SHOC1: variants seen among roughly 807,000 people sequenced by gnomAD.
SHOC1 encodes shortage in chiasmata 1, also known as protein shortage in chiasmata 1 ortholog.
In SHOC1, 136 loss-of-function variants were observed where a neutral mutation model predicts 179.2. The ratio of observed to expected loss-of-function variants is 0.76; its 90% CI spans 0.66 to 0.87. The LOEUF (loss-of-function observed/expected upper bound fraction) is 0.87, where lower values mean the gene tolerates loss of function less well. SHOC1 is among the 40% of genes least tolerant of loss of function. The probability of loss-of-function intolerance (pLI) is 0.00; values close to 1 mark genes in which losing one functional copy is unlikely to be tolerated. For synonymous variants in SHOC1, 489 were observed against 586.6 expected, an observed-to-expected ratio of 0.83 and a Z score of 2.41; for missense variants, 1,538 against 1,700.8, an observed-to-expected ratio of 0.90 and a Z score of 1.68.
intron 5 of SHOC1, among the ~76,000 whole-genome samples, chr9:111,767,485 G>T (rs1193165493): frequency 6.6e-6 from 1 of 152,132 alleles, no homozygotes; most frequent in African/African-American, 2.4e-5. Flanking sequence ...TGTCAAAGAT[G>T]AGTTAGCTGT....
chr9:111,691,492 G>T (rs1589368577), intron 27 of SHOC1, 59 bp downstream of exon 27: 1 of 1,461,622 alleles, frequency 6.8e-7, no homozygotes. Context: ...ATTTGGAGAT[G>T]ATTTTATCTT....
chr9:111,735,183 G>T (rs1048801914), intron 12 of SHOC1, among the ~76,000 whole-genome samples: 2 of 151,878 alleles, frequency 1.3e-5, no homozygotes, highest in East Asian at 3.9e-4. Context: ...TGGTGTGTAT[G>T]TACCACATTT....
chr9:111,771,898 T>C (rs894028550), intron 5 of SHOC1, among the ~76,000 whole-genome samples: 1 of 152,164 alleles, frequency 6.6e-6, no homozygotes, highest in African/African-American at 2.4e-5. Context: ...GGTAGTCTTA[T>C]TTGGGTTGAA....
chr9:111,700,074 C>T (rs768144601), intron 23 of SHOC1, 27 bp from the exon 24 acceptor site: 3 of 1,129,364 alleles, frequency 2.7e-6, no homozygotes, highest in Non-Finnish European at 3.9e-6. Context: ...TACTATATTT[C>T]TATTCATTTG....
At chr9:111,758,010 G>A in intron 7 of SHOC1, 74 bp downstream of exon 7, 1 of 694,700 alleles carries the variant, frequency 1.4e-6, no homozygotes, top group Non-Finnish European at 2.4e-6. Flanking sequence ...TGTAGACAAT[G>A]TATATTACAC....
chr9:111,748,503 A>G (rs916902676), intron 8 of SHOC1, among the ~76,000 whole-genome samples: 1 of 152,186 alleles, frequency 6.6e-6, no homozygotes, highest in African/African-American at 2.4e-5. Context: ...ATAAGCCACA[A>G]ACTTCAAAGA....
At chr9:111,722,958 C>T (rs537456281) in intron 14 of SHOC1, among the ~76,000 whole-genome samples, 10 of 152,240 alleles carry the variant, frequency 6.6e-5, no homozygotes, top group South Asian at 2.1e-4. Flanking sequence ...TGCACCACCA[C>T]GCCCAGCTAA....
chr9:111,769,113 C>T (rs1480634005), intron 5 of SHOC1, among the ~76,000 whole-genome samples: 1 of 152,164 alleles, frequency 6.6e-6, no homozygotes, highest in Non-Finnish European at 1.5e-5. Flanking sequence ...CCCACTTTAT[C>T]ATGGTGAATG....
intron 18 of SHOC1, among the ~76,000 whole-genome samples, chr9:111,708,313 C>G (rs527605954): frequency 2.8e-4 from 43 of 152,052 alleles, no homozygotes; most frequent in African/African-American, 9.9e-4. Context: ...AAGAATTCTC[C>G]TGCCTCAGCC....
chr9:111,774,362 G>A (rs1477551537), intron 5 of SHOC1, among the ~76,000 whole-genome samples: 6 of 152,248 alleles, frequency 3.9e-5, no homozygotes, highest in East Asian at 1.9e-4. Context: ...GCAGTGGCAC[G>A]ATCATGGCTT....
At chr9:111,741,672 C>T (rs1329807599) in intron 10 of SHOC1, 102 bp from the exon 11 acceptor site, 7 of 547,588 alleles carry the variant, frequency 1.3e-5, no homozygotes, top group South Asian at 6.7e-5. Context: ...CTCGCTCTGT[C>T]GCCCAGGCTG....
chr9:111,781,179 C>G (rs575449903), intron 3 of SHOC1, 162 bp from the exon 4 acceptor site: 1 of 598,700 alleles, frequency 1.7e-6, no homozygotes, highest in Non-Finnish European at 3.0e-6. Context: ...TAGTCATCCT[C>G]ATTATCATCA....
At position 111,693,880 on chromosome 9, in the gene SHOC1, T is replaced by C. The variant is rs751117749; in HGVS notation, c.3384A>G (p.Gly1128=). ...PLVAQLMLNK[G]PSLHWILLAT... is the part of the protein sequence containing the mutation. ...CTAATAATATCCAATGCAGTGAAGG[T>C]CCTTTATTTAGCATGAGCTGAGCCA... The change falls in exon 26 of 28, where the codon GGA becomes GGG. Residue 1128 remains glycine (G), a synonymous_variant. Transcript: ENST00000682961. 3 of 1,611,148 alleles carry C rather than the reference T, an allele frequency of 1.9e-6. No individual in the cohort carries two copies. Among genetic ancestry groups the C allele is most frequent in the Non-Finnish European group, 2.5e-6 (3 of 1,177,426 alleles).
chr9:111,722,951 A>G (rs934648884), intron 14 of SHOC1, among the ~76,000 whole-genome samples: 3 of 152,078 alleles, frequency 2.0e-5, no homozygotes, highest in African/African-American at 7.2e-5. Context: ...ATAGGCGTGC[A>G]CCACCACGCC....
intron 13 of SHOC1, among the ~76,000 whole-genome samples, chr9:111,725,695 G>T (rs1449314994): frequency 6.6e-6 from 1 of 152,138 alleles, no homozygotes; most frequent in African/African-American, 2.4e-5. Context: ...AAGAGGCCAG[G>T]AACTTAACAC....
intron 12 of SHOC1, among the ~76,000 whole-genome samples, chr9:111,731,946 TC>T (rs1166531538): frequency 6.6e-6 from 1 of 152,128 alleles, no homozygotes; most frequent in Non-Finnish European, 1.5e-5. Context: ...GACACAATTA[TC>T]TGTGAAGCAC....
intron 7 of SHOC1, among the ~76,000 whole-genome samples, chr9:111,757,322 T>C (rs976532256): frequency 6.6e-6 from 1 of 152,172 alleles, no homozygotes; most frequent in African/African-American, 2.4e-5. Flanking sequence ...CAGGATGGTC[T>C]CGATCTCCTG....
At chr9:111,774,490 G>T (rs1189792901) in intron 5 of SHOC1, among the ~76,000 whole-genome samples, 1 of 152,110 alleles carries the variant, frequency 6.6e-6, no homozygotes, top group African/African-American at 2.4e-5. Context: ...TGTGGAGACA[G>T]GGTCTTGCCA....
chr9:111,707,797 T>G, intron 19 of SHOC1, 58 bp downstream of exon 19: 7 of 1,115,084 alleles, frequency 6.3e-6, no homozygotes, highest in Non-Finnish European at 7.9e-6. Flanking sequence ...AGGAAGATTT[T>G]GCTTTTCCTG....
Sources: allele counts gnomAD v4.1 joint callset (sites outside exome capture counted in the v4.1 genomes callset), GRCh38; gene constraint gnomAD v4.1.1; transcripts MANE v1.5; gene names NCBI Gene and HGNC (gene_info 2026-07-23, HGNC 2026-07-21).